The following SMCHD1 variants were observed in gnomAD, a reference collection of about 807,000 sequenced individuals.
SMCHD1 encodes structural maintenance of chromosomes flexible hinge domain-containing protein 1.
A neutral mutation model predicts 254.7 loss-of-function variants in SMCHD1; 78 were observed. That is an observed-to-expected ratio of 0.31 (90% CI 0.26 to 0.37). SMCHD1 has a LOEUF of 0.37. Among genes scored for constraint, SMCHD1 ranks in the 10% least tolerant of loss-of-function variants. The pLI, the probability that SMCHD1 is intolerant of heterozygous loss-of-function variation, is 1.00. For synonymous variants in SMCHD1, 766 were observed against 794.9 expected (o/e 0.96, Z 0.61); for missense variants, 1,840 against 2,408.1 (o/e 0.76, Z 4.94).
In SMCHD1 at chr18:2,722,619, T is replaced by C; in HGVS notation, c.2559T>C (p.His853=). 1 of 1,613,316 alleles carries C rather than the reference T, an allele frequency of 6.2e-7. No individual in the cohort carries two copies. The highest frequency in any genetic ancestry group is 1.1e-5 in the South Asian group (1 of 90,890). The change falls in exon 20 of 48, where the codon CAT becomes CAC. Residue 853 remains histidine, a synonymous_variant. Transcript: ENST00000320876. ...IPLEFQDEFG[H]TSQLVTDIQP... ...TGGAGTTTCAGGATGAATTTGGTCATACCAGTCAACTAGTAACTGATATTC... is the reference window on the plus strand; with the variant it reads ...TGGAGTTTCAGGATGAATTTGGTCACACCAGTCAACTAGTAACTGATATTC...
chr18:2,759,917 A>G (rs2075757213), intron 34 of SMCHD1, among the ~76,000 whole-genome samples: 1 of 152,176 alleles, frequency 6.6e-6, no homozygotes, highest in African/African-American at 2.4e-5. Flanking sequence ...CATCTCAGAG[A>G]AAACAATATA....
At chr18:2,768,809 A>G (rs2075923360) in intron 37 of SMCHD1, among the ~76,000 whole-genome samples, 1 of 151,656 alleles carries the variant, frequency 6.6e-6, no homozygotes, top group Non-Finnish European at 1.5e-5. Flanking sequence ...TTATTTTTAA[A>G]ATGCAAATAG....
chr18:2,776,875 G>T (rs879692398), intron 42 of SMCHD1, among the ~76,000 whole-genome samples: 1 of 152,142 alleles, frequency 6.6e-6, no homozygotes, highest in Non-Finnish European at 1.5e-5. Context: ...ACGGGTCATA[G>T]TTACTATGTT....
rs1003364252 is a variant in SMCHD1, at chr18:2,769,901, G to T, written c.4846+81G>T. ...CCTTGTTTTGCTTTCCATTAACTTG[G>T]TGTTTATTAGCTATCTAACCACTTT... is the stretch of plus-strand genomic sequence containing the variant. On this transcript the variant is annotated intron_variant, in intron 38 of 47. Coordinates refer to ENST00000320876, the MANE Select transcript of SMCHD1 (RefSeq NM_015295.3). 1.1e-5 allele frequency: 17 copies of T among 1,536,604 alleles called. No homozygotes were observed. The Admixed American group carries it at 1.5e-4, about 14-fold the overall frequency.
At chr18:2,770,360 T>A (rs955635094) in intron 39 of SMCHD1, among the ~76,000 whole-genome samples, 3 of 152,176 alleles carry the variant, frequency 2.0e-5, no homozygotes, top group African/African-American at 7.2e-5. Flanking sequence ...TGTGGAAAAT[T>A]TAAGGCTTTC....
intron 5 of SMCHD1, among the ~76,000 whole-genome samples, chr18:2,679,677 C>G (rs1312563146): frequency 1.3e-5 from 2 of 151,990 alleles, no homozygotes; most frequent in African/African-American, 2.4e-5. Context: ...TGGCTTTTGA[C>G]AGTTTAATGC....
chr18:2,764,694 A>G (rs1267130477), intron 37 of SMCHD1, among the ~76,000 whole-genome samples: 2 of 152,216 alleles, frequency 1.3e-5, no homozygotes, highest in Admixed American at 6.5e-5. Context: ...AGTTATTACT[A>G]AGTAATCTAG....
chr18:2,758,332 A>G (rs2075721688), intron 34 of SMCHD1, among the ~76,000 whole-genome samples: 1 of 151,992 alleles, frequency 6.6e-6, no homozygotes, highest in Admixed American at 6.6e-5. Flanking sequence ...TGTAACGTGT[A>G]TACTTGACAT....
chr18:2,758,884 G>A (rs2143670712), intron 34 of SMCHD1, among the ~76,000 whole-genome samples: 1 of 152,140 alleles, frequency 6.6e-6, no homozygotes, highest in African/African-American at 2.4e-5. Context: ...GTTTTCACGG[G>A]CTTTGATTTC....
intron 5 of SMCHD1, among the ~76,000 whole-genome samples, chr18:2,677,578 G>T (rs1488709268): frequency 6.6e-6 from 1 of 152,134 alleles, no homozygotes; most frequent in Admixed American, 6.5e-5. Flanking sequence ...TGTACTAAGT[G>T]GTTGTCACTT....
At chr18:2,789,045 G>A (rs185544140) in intron 45 of SMCHD1, among the ~76,000 whole-genome samples, 30 of 150,496 alleles carry the variant, frequency 2.0e-4, no homozygotes, top group African/African-American at 7.3e-4. Flanking sequence ...TTTGAGACAG[G>A]GTCTCACTTT....
At chr18:2,774,108 T>G (rs2076027390) in intron 41 of SMCHD1, among the ~76,000 whole-genome samples, 1 of 152,050 alleles carries the variant, frequency 6.6e-6, no homozygotes, top group African/African-American at 2.4e-5. Flanking sequence ...ATGAGGAAGA[T>G]GTAGTAGCAG....
chr18:2,709,968 A>G (rs11080980), intron 17 of SMCHD1, among the ~76,000 whole-genome samples: 44,798 of 152,092 alleles, frequency 0.29, 6,829 homozygotes, highest in East Asian at 0.49. Context: ...AGAGATTGTT[A>G]CTAAATTCAG....
At chr18:2,681,740 G>T (rs944898261) in intron 5 of SMCHD1, among the ~76,000 whole-genome samples, 1 of 152,062 alleles carries the variant, frequency 6.6e-6, no homozygotes, top group Non-Finnish European at 1.5e-5. Context: ...GTAGGGGAGA[G>T]GTATGACATT....
intron 1 of SMCHD1, among the ~76,000 whole-genome samples, chr18:2,663,834 C>G (rs1218768189): frequency 6.6e-6 from 1 of 152,086 alleles, no homozygotes; most frequent in East Asian, 1.9e-4. Flanking sequence ...CCTGCCTCAG[C>G]CTCCCGAGTA....
chr18:2,735,122 G>C (rs1486376486), intron 25 of SMCHD1, among the ~76,000 whole-genome samples: 2 of 151,690 alleles, frequency 1.3e-5, no homozygotes, highest in African/African-American at 4.8e-5. Context: ...TTGAGATTCA[G>C]GGTTGAACCA....
At chr18:2,696,310 A>T (rs551960921) in intron 8 of SMCHD1, among the ~76,000 whole-genome samples, 1 of 152,246 alleles carries the variant, frequency 6.6e-6, no homozygotes, top group East Asian at 1.9e-4. Flanking sequence ...GCCTTTTAGG[A>T]ACCCGGCCCC....
rs961982264 is a variant in SMCHD1, at chr18:2,718,546, G to C, written c.2458+112G>C. 6.6e-6 allele frequency: 6 copies of C among 905,924 alleles called. No individual in the cohort carries two copies. The African/African-American group carries it at 1.0e-4, about 16-fold the overall frequency. 56.1% of individuals were successfully genotyped at this position (905,924 alleles called of 1,614,324 possible). On this transcript the variant is annotated intron_variant, in intron 19 of 47. Coordinates refer to ENST00000320876, the MANE Select transcript of SMCHD1 (RefSeq NM_015295.3). This position sits in a 1 kb window ranked among gnomAD's most constrained non-coding sequence, Gnocchi z 4.6. ...GTTTGAACAATTGGGTAACCATCTC[G>C]ATTTTATTTTATTTTCTTACTTACT...
rs758696801 is a variant in SMCHD1 at position 2,763,598 on chromosome 18, C to T, written c.4567-39C>T. ...TGCTCTTCTCTGGGTTTAATCTTCT[C>T]ATCAGTTTCTCTAATTGTTTTCCAT... On this transcript the variant is annotated intron_variant, in intron 36 of 47. Transcript: ENST00000320876. 1.0e-4 allele frequency: 151 copies of T among 1,471,650 alleles called. 1 individual carries two copies. Among genetic ancestry groups the T allele is most frequent in the Admixed American group, 1.7e-4 (6 of 34,614 alleles). 91.2% of individuals were successfully genotyped at this position (1,471,650 alleles called of 1,614,324 possible).
Sources: gnomAD v4.1 joint callset for allele counts (sites outside exome capture counted in the v4.1 genomes callset) on GRCh38, gnomAD v4.1.1 for gene constraint, Gnocchi (gnomAD v3.1) non-coding constraint, MANE v1.5 for transcripts, NCBI Gene and HGNC (gene_info 2026-07-23, HGNC 2026-07-21) for gene names.